Variants in ACSL1 observed in about 807,000 individuals in gnomAD.
ACSL1 encodes acyl-CoA synthetase long chain family member 1, also known as long-chain-fatty-acid--CoA ligase 1.
Under a neutral mutation model 98.4 loss-of-function variants are expected in ACSL1, and 41 were observed. The observed-to-expected ratio is 0.42, with a 90% CI of 0.32 to 0.54. The LOEUF (loss-of-function observed/expected upper bound fraction) is 0.54. Ranked by LOEUF, ACSL1 falls within the 20% of genes least tolerant of loss-of-function variation. The pLI, the probability that ACSL1 is intolerant of heterozygous loss-of-function variation, is 0.13. For missense variants in ACSL1, 734 were observed against 883.1 expected, an observed-to-expected ratio of 0.83 and a Z score of 2.14; for synonymous variants, 316 against 322.7, an observed-to-expected ratio of 0.98 and a Z score of 0.22.
At chr4:184,819,559 GGTCA>G (rs757778306) in intron 1 of ACSL1, among the ~76,000 whole-genome samples, 1 of 152,092 alleles carries the variant, frequency 6.6e-6, no homozygotes, top group African/African-American at 2.4e-5. Context: ...GACACAGGAA[GGTCA>G]GTCAGGCAGA....
Position 184,776,985 on chromosome 4 carries a change from T to C in ACSL1, c.478-2A>G. ...GCATCCTTGTTCAATAATCACCCAC[T>C]AAACAAACAGTAAAGGTCAGGGAGA... On this transcript the variant is annotated splice_acceptor_variant, in intron 5 of 20. Coordinates refer to ENST00000281455, the MANE Select transcript of ACSL1 (RefSeq NM_001995.5). LOFTEE classifies it high-confidence loss of function. 6.2e-7 allele frequency: 1 copy of C among 1,613,492 alleles called. No individual in the cohort carries two copies. Among genetic ancestry groups the C allele is most frequent in the Non-Finnish European group, 8.5e-7 (1 of 1,179,554 alleles).
intron 1 of ACSL1, among the ~76,000 whole-genome samples, chr4:184,807,472 G>A (rs1390089926): frequency 6.6e-6 from 1 of 152,172 alleles, no homozygotes; most frequent in African/African-American, 2.4e-5. Context: ...TTGCTCAGCT[G>A]GGTTTTCTGT....
At chr4:184,779,286 G>C (rs1275745441) in intron 5 of ACSL1, among the ~76,000 whole-genome samples, 2 of 152,158 alleles carry the variant, frequency 1.3e-5, no homozygotes, top group African/African-American at 4.8e-5. Context: ...CATGAGATCT[G>C]ATGGGTTTAT....
At position 184,773,731 on chromosome 4, in the gene ACSL1, A is replaced by AC; in HGVS notation, c.790-18_790-17insG. On this transcript the variant is annotated splice_polypyrimidine_tract_variant and intron_variant, in intron 8 of 20. Transcript: ENST00000281455. This position sits in a 1 kb window ranked among gnomAD's most constrained non-coding sequence, Gnocchi z 4.3. Reference sequence around the variant, plus strand: ...TGCTGGAGGCTAAAGATTAAAAAAAAAAAAAGCTGGTATAAATCAGAACAG... The same window carrying AC: ...TGCTGGAGGCTAAAGATTAAAAAAAACAAAAAGCTGGTATAAATCAGAACAG... The AC allele has an allele frequency of 6.2e-7, 1 of 1,602,106 alleles. No homozygotes were observed.
At chr4:184,792,857 T>C (rs181244122) in intron 2 of ACSL1, among the ~76,000 whole-genome samples, 24 of 152,300 alleles carry the variant, frequency 1.6e-4, no homozygotes, top group African/African-American at 4.3e-4. Context: ...GCTGTAACAA[T>C]TGGAGTCTGA....
intron 2 of ACSL1, among the ~76,000 whole-genome samples, chr4:184,794,660 G>A (rs1460726946): frequency 6.6e-6 from 1 of 152,208 alleles, no homozygotes; most frequent in Admixed American, 6.5e-5. Flanking sequence ...ACCACATAGT[G>A]GAGCAGAGCT....
chr4:184,765,058 C>A, intron 14 of ACSL1, 133 bp from the exon 15 acceptor site: 1 of 857,878 alleles, frequency 1.2e-6, no homozygotes, highest in Non-Finnish European at 1.8e-6. Context: ...ATGGTCTGTT[C>A]AGTAAGTTCA....
intron 4 of ACSL1, among the ~76,000 whole-genome samples, chr4:184,783,278 C>A (rs1392288467): frequency 6.6e-6 from 1 of 152,210 alleles, no homozygotes; most frequent in Non-Finnish European, 1.5e-5. Context: ...GGACTAGAGA[C>A]CGACAAGGGC....
At chr4:184,780,190 A>G (rs978063830) in intron 5 of ACSL1, 142 bp downstream of exon 5, 14 of 737,750 alleles carry the variant, frequency 1.9e-5, no homozygotes, top group African/African-American at 7.0e-5. Flanking sequence ...TGAGGTTTTC[A>G]TATGTGTAAC....
chr4:184,794,297 C>T (rs1768948005), intron 2 of ACSL1, among the ~76,000 whole-genome samples: 1 of 152,328 alleles, frequency 6.6e-6, no homozygotes, highest in African/African-American at 2.4e-5. Flanking sequence ...TGATATATTA[C>T]ACTAGGTCTT....
chr4:184,764,992 G>T, intron 14 of ACSL1, 67 bp from the exon 15 acceptor site: 2 of 1,498,938 alleles, frequency 1.3e-6, no homozygotes, highest in Non-Finnish European at 1.8e-6. Context: ...AAGTGCACAA[G>T]CAATGAAGTC....
At chr4:184,780,536 A>G in intron 4 of ACSL1, 103 bp from the exon 5 acceptor site, 1 of 762,526 alleles carries the variant, frequency 1.3e-6, no homozygotes, top group Non-Finnish European at 2.2e-6. Context: ...GCAATGCTGC[A>G]CACAGAAACG....
intron 2 of ACSL1, among the ~76,000 whole-genome samples, chr4:184,800,154 A>T (rs1238396999): frequency 6.6e-6 from 1 of 152,228 alleles, no homozygotes; most frequent in African/African-American, 2.4e-5. Flanking sequence ...TGGGCCAAGC[A>T]GACATTGCAT....
Position 184,766,533 on chromosome 4 carries a change from A to G in ACSL1, c.1263+89T>C. Reference sequence around the variant, plus strand: ...ACATGTTATTCTCTCCCTTACCTTCATCTCTCCCTCTCACAAAAAAGGCCC... The same window carrying G: ...ACATGTTATTCTCTCCCTTACCTTCGTCTCTCCCTCTCACAAAAAAGGCCC... On this transcript the variant is annotated intron_variant, in intron 13 of 20. Transcript: ENST00000281455. This position sits in a 1 kb window ranked among gnomAD's most constrained non-coding sequence, Gnocchi z 4.8. 6.7e-7 allele frequency: 1 copy of G among 1,492,592 alleles called. No homozygotes were observed. Among genetic ancestry groups the G allele is most frequent in the Non-Finnish European group, 9.1e-7 (1 of 1,099,244 alleles). 92.5% of individuals were successfully genotyped at this position (1,492,592 alleles called of 1,614,324 possible).
At chr4:184,813,251 A>G (rs528070390) in intron 1 of ACSL1, among the ~76,000 whole-genome samples, 3 of 152,282 alleles carry the variant, frequency 2.0e-5, no homozygotes, top group African/African-American at 7.2e-5. Flanking sequence ...AAAATTTCCT[A>G]TGAGAAGAAA....
chr4:184,788,705 T>C lies in ACSL1; in HGVS notation c.222A>G (p.Ala74=), dbSNP rs1767840578. The change falls in exon 3 of 21, where the codon GCA becomes GCG. Residue 74 remains alanine, a synonymous_variant. Transcript: ENST00000281455. ...VAGSGGARRS[A]LLDSDEPLVY... is the part of the protein sequence containing the mutation. Reference sequence around the variant, plus strand: ...CCAAGGGCTCGTCGCTGTCAAGTAGTGCGGATCTTCGTGCACCACCACTAC... The same window carrying C: ...CCAAGGGCTCGTCGCTGTCAAGTAGCGCGGATCTTCGTGCACCACCACTAC... 1.2e-6 allele frequency: 2 copies of C among 1,614,146 alleles called. No individual in the cohort carries two copies. Among genetic ancestry groups the C allele is most frequent in the Non-Finnish European group, 1.7e-6 (2 of 1,180,022 alleles).
chr4:184,804,714 G>A (rs1014981628), intron 1 of ACSL1, among the ~76,000 whole-genome samples: 1 of 152,142 alleles, frequency 6.6e-6, no homozygotes, highest in African/African-American at 2.4e-5. Flanking sequence ...AATGGAGACG[G>A]AAATAGCACC....
Position 184,773,832 on chromosome 4 carries a change from G to A in ACSL1, c.789+11C>T, listed in dbSNP as rs1211003591. On this transcript the variant is annotated intron_variant, in intron 8 of 20. Transcript: ENST00000281455. The surrounding 1 kb of genome is among the most constrained non-coding windows in gnomAD (Gnocchi z 4.3). ...AAGAGGACAGAGCAGGGTCTGACAC[G>A]GTGTGCTTACCTTGGGCTTCCGTCT... The A allele has an allele frequency of 6.8e-6, 11 of 1,613,860 alleles. No individual in the cohort carries two copies. Among genetic ancestry groups the A allele is most frequent in the East Asian group, 2.2e-5 (1 of 44,878 alleles).
chr4:184,780,500 C>A, intron 4 of ACSL1, 67 bp from the exon 5 acceptor site: 4 of 1,205,116 alleles, frequency 3.3e-6, no homozygotes, highest in Non-Finnish European at 4.8e-6. Flanking sequence ...GCTGACCAGA[C>A]GGCAGGCTTG....
Sources: allele counts gnomAD v4.1 joint callset (sites outside exome capture counted in the v4.1 genomes callset), GRCh38; gene constraint gnomAD v4.1.1; non-coding constraint Gnocchi (gnomAD v3.1); transcripts MANE v1.5; gene names NCBI Gene and HGNC (gene_info 2026-07-23, HGNC 2026-07-21).